Variants in ODAD2 observed in about 807,000 individuals in gnomAD.
The protein encoded by ODAD2 is outer dynein arm docking complex subunit 2, also known as outer dynein arm-docking complex subunit 2.
Under a neutral mutation model 106.8 loss-of-function variants are expected in ODAD2, and 89 were observed. That is an observed-to-expected ratio of 0.83 (90% CI 0.70 to 0.99). ODAD2 has a LOEUF of 0.99. Ranked by LOEUF, ODAD2 falls within the 50% of genes least tolerant of loss-of-function variation. The probability of loss-of-function intolerance (pLI) is 0.00; values close to 1 mark genes in which losing one functional copy is unlikely to be tolerated. For missense variants in ODAD2, 1,168 were observed against 1,238.5 expected, an observed-to-expected ratio of 0.94 and a Z score of 0.85; for synonymous variants, 404 against 436.2, an observed-to-expected ratio of 0.93 and a Z score of 0.92.
At chr10:27,814,168 G>A (rs560864972) in intron 19 of ODAD2, among the ~76,000 whole-genome samples, 1 of 152,026 alleles carries the variant, frequency 6.6e-6, no homozygotes, top group African/African-American at 2.4e-5. Flanking sequence ...AGGGAAACAG[G>A]GACCCTCCGC....
chr10:27,932,339 G>A (rs1202936124), intron 16 of ODAD2, among the ~76,000 whole-genome samples: 1 of 152,096 alleles, frequency 6.6e-6, no homozygotes, highest in African/African-American at 2.4e-5. Context: ...AGAAAAGAAT[G>A]GTTGTAGAGG....
chr10:27,994,646 T>C (rs925495500), intron 2 of ODAD2, among the ~76,000 whole-genome samples: 14 of 152,298 alleles, frequency 9.2e-5, no homozygotes, highest in Admixed American at 8.5e-4. Flanking sequence ...GTTGGCAGTG[T>C]AGTGACCTGG....
In ODAD2 at chr10:27,812,467, C is replaced by G; in HGVS notation, c.*45G>C. On this transcript the variant is annotated 3_prime_UTR_variant, in exon 20 of 20. Coordinates refer to ENST00000305242, the MANE Select transcript of ODAD2 (RefSeq NM_018076.5). ...CTTTCTGGCCATGGGAGTGACATGTCCTGTGTCATGTAGAATTTGATAGCT... is the reference window on the plus strand; with the variant it reads ...CTTTCTGGCCATGGGAGTGACATGTGCTGTGTCATGTAGAATTTGATAGCT... 1 of 1,595,558 alleles carries G rather than the reference C, an allele frequency of 6.3e-7. No individual in the cohort carries two copies. The highest frequency in any genetic ancestry group is 8.6e-7 in the Non-Finnish European group (1 of 1,166,630).
rs565848508 is a variant in ODAD2, at chr10:27,949,528, A to T, written c.1387-4566T>A. On this transcript the variant is annotated intron_variant, in intron 10 of 19. Transcript: ENST00000305242. The stretch of plus-strand genomic sequence containing the variant: ...TGATGAAATGTCCACCAGTCGGAGC[A>T]AACAGTATATGCAAAAACGCAGGGG... Among the ~76,000 whole-genome samples the T allele has an allele frequency of 1.6e-4, 24 of 152,304 alleles. 1 individual carries two copies. The South Asian group carries it at 5.0e-3, about 32-fold the overall frequency.
intron 19 of ODAD2, among the ~76,000 whole-genome samples, chr10:27,841,690 C>T (rs1589799358): frequency 6.6e-6 from 1 of 152,142 alleles, no homozygotes; most frequent in Non-Finnish European, 1.5e-5. Flanking sequence ...GCCACCACCC[C>T]GGCAGATCTG....
chr10:27,955,728 T>C (rs1278424218), intron 10 of ODAD2, among the ~76,000 whole-genome samples: 2 of 151,590 alleles, frequency 1.3e-5, no homozygotes, highest in Non-Finnish European at 2.9e-5. Context: ...TGTGTGTGTG[T>C]GTGTGTGTGT....
chr10:27,868,060 G>T, intron 17 of ODAD2, among the ~76,000 whole-genome samples: 1 of 151,818 alleles, frequency 6.6e-6, no homozygotes, highest in South Asian at 2.1e-4. Context: ...ACATTTATGC[G>T]GCCAACAAAC....
intron 17 of ODAD2, among the ~76,000 whole-genome samples, chr10:27,904,670 T>G (rs1380252225): frequency 6.6e-6 from 1 of 152,208 alleles, no homozygotes; most frequent in Non-Finnish European, 1.5e-5. Flanking sequence ...GCTTTATGGT[T>G]TGTTTTAATA....
intron 16 of ODAD2, among the ~76,000 whole-genome samples, chr10:27,912,217 T>C (rs192466286): frequency 5.3e-5 from 8 of 152,180 alleles, no homozygotes; most frequent in Admixed American, 5.2e-4. Flanking sequence ...TCTGAATTCA[T>C]TTCCAGCAGT....
At position 27,995,080 on chromosome 10, in the gene ODAD2, G is replaced by A. The variant is rs771055913; in HGVS notation, c.63C>T (p.Leu21=). ...TCGCTTCATTTAGAGGGGTGATTTC[G>A]AGGATTCCAGTTCCATGTCCGGCAG... ...WTAAGHGTGI[L]EITPLNEAIL... The change falls in exon 2 of 20, where the codon CTC becomes CTT. Residue 21 remains leucine (L), a synonymous_variant. Transcript: ENST00000305242. 3.2e-5 allele frequency: 51 copies of A among 1,613,884 alleles called. No individual in the cohort carries two copies. The highest frequency in any genetic ancestry group is 3.4e-5 in the Non-Finnish European group (40 of 1,180,042).
In ODAD2 at chr10:27,827,379, C is replaced by CACACTATATATATATA. The variant is rs1239159370; in HGVS notation, c.3022-14755_3022-14754insTATATATATATAGTGT. Among the ~76,000 whole-genome samples the CACACTATATATATATA allele has an allele frequency of 5.1e-4, 67 of 132,438 alleles. 1 individual carries two copies. Among genetic ancestry groups the CACACTATATATATATA allele is most frequent in the Admixed American group, 3.5e-3 (45 of 12,830 alleles). 86.9% of individuals were successfully genotyped at this position (132,438 alleles called of 152,430 possible). ...AGACACACACATACACACACACACA[C>CACACTATATATATATA]TATATATATATATATATATATATAT... On this transcript the variant is annotated intron_variant, in intron 19 of 19. Coordinates refer to ENST00000305242, the MANE Select transcript of ODAD2 (RefSeq NM_018076.5).
chr10:27,901,624 C>T (rs774730727), intron 17 of ODAD2, among the ~76,000 whole-genome samples: 8 of 151,968 alleles, frequency 5.3e-5, no homozygotes, highest in Non-Finnish European at 1.0e-4. Flanking sequence ...GAATCTTTAC[C>T]AAGCAAATGG....
chr10:27,898,702 A>T (rs747895277), intron 17 of ODAD2, among the ~76,000 whole-genome samples: 4 of 152,140 alleles, frequency 2.6e-5, no homozygotes, highest in Non-Finnish European at 4.4e-5. Context: ...TTATATATCT[A>T]TTTCTGCAAG....
rs191998955 is a variant in ODAD2, at chr10:27,832,658, G to A, written c.3022-20033C>T. 6.1e-3 allele frequency among the ~76,000 whole-genome samples: 922 copies of A among 152,230 alleles called. 3 individuals are homozygous for A. The highest frequency in any genetic ancestry group is 0.013 in the Admixed American group (206 of 15,280). On this transcript the variant is annotated intron_variant, in intron 19 of 19. Coordinates refer to ENST00000305242, the MANE Select transcript of ODAD2 (RefSeq NM_018076.5). ...GGTGTTACTGGTTAGCACATTTCAT[G>A]AATTACCAGAGCACACGTGACCAGG...
chr10:27,927,341 T>C (rs1308828291), intron 16 of ODAD2, among the ~76,000 whole-genome samples: 1 of 152,092 alleles, frequency 6.6e-6, no homozygotes, highest in Non-Finnish European at 1.5e-5. Flanking sequence ...AAACTGCTAG[T>C]CATTAAAACA....
At chr10:27,815,186 A>C (rs1474670554) in intron 19 of ODAD2, among the ~76,000 whole-genome samples, 2 of 152,154 alleles carry the variant, frequency 1.3e-5, no homozygotes, top group Non-Finnish European at 2.9e-5. Flanking sequence ...TCCAAGGCCC[A>C]CCATCCACTT....
chr10:27,950,692 T>C (rs2132701320), intron 10 of ODAD2, among the ~76,000 whole-genome samples: 1 of 152,002 alleles, frequency 6.6e-6, no homozygotes, highest in Non-Finnish European at 1.5e-5. Flanking sequence ...GCTCAAGAGG[T>C]CCTCCTGCCT....
intron 14 of ODAD2, among the ~76,000 whole-genome samples, chr10:27,937,261 T>C (rs1846051771): frequency 6.6e-6 from 1 of 152,130 alleles, no homozygotes; most frequent in East Asian, 1.9e-4. Flanking sequence ...AGATGAGTGA[T>C]AGGGATTTGG....
chr10:27,823,550 T>C (rs1339976533), intron 19 of ODAD2, among the ~76,000 whole-genome samples: 1 of 152,198 alleles, frequency 6.6e-6, no homozygotes, highest in Non-Finnish European at 1.5e-5. Flanking sequence ...CCTAATAAGA[T>C]AGATATGGGA....
Sources: allele counts gnomAD v4.1 joint callset (sites outside exome capture counted in the v4.1 genomes callset), GRCh38; gene constraint gnomAD v4.1.1; transcripts MANE v1.5; gene names NCBI Gene and HGNC (gene_info 2026-07-23, HGNC 2026-07-21).